Variants in DGCR2 observed in about 807,000 individuals in gnomAD.
DGCR2 encodes DiGeorge syndrome critical region gene 2.
In DGCR2, 24 loss-of-function variants were observed where a neutral mutation model predicts 51.6. The ratio of observed to expected loss-of-function variants is 0.47; its 90% CI spans 0.34 to 0.65. The LOEUF (loss-of-function observed/expected upper bound fraction) is 0.65. Among genes scored for constraint, DGCR2 ranks in the 30% least tolerant of loss-of-function variants. The pLI is 0.01. For missense variants in DGCR2, 765 were observed against 772.1 expected (o/e 0.99, Z 0.11); for synonymous variants, 340 against 315.4 (o/e 1.08, Z -0.82).
chr22:19,114,672 C>T (rs751966348), intron 1 of DGCR2, among the ~76,000 whole-genome samples: 1 of 152,206 alleles, frequency 6.6e-6, no homozygotes, highest in South Asian at 2.1e-4. Context: ...TCCTGCTGAT[C>T]ATCCCTGTGT....
chr22:19,094,014 A>AT (rs913303225), intron 1 of DGCR2, among the ~76,000 whole-genome samples: 1 of 147,192 alleles, frequency 6.8e-6, no homozygotes, highest in African/African-American at 2.4e-5. Context: ...CTCTAAAAAA[A>AT]AATAATAAAT....
In DGCR2 at chr22:19,067,993, G is replaced by A. The variant is rs78128835; in HGVS notation, c.328+107C>T. ...ATTCATTCCCCTCACTGGCCTCCAA[G>A]GGCTGCTTTGAGAAACCCCTCACGC... is the stretch of plus-strand genomic sequence containing the variant. On this transcript the variant is annotated intron_variant, in intron 3 of 9. Transcript: ENST00000263196. The A allele has an allele frequency of 9.4e-3, 13,173 of 1,397,360 alleles. 473 individuals are homozygous for A. The highest frequency in any genetic ancestry group is 0.074 in the East Asian group (2,818 of 38,064). 86.6% of individuals were successfully genotyped at this position (1,397,360 alleles called of 1,614,324 possible).
At chr22:19,084,546 AG>A (rs2082986073) in intron 2 of DGCR2, among the ~76,000 whole-genome samples, 1 of 131,862 alleles carries the variant, frequency 7.6e-6, no homozygotes, top group African/African-American at 3.1e-5. Context: ...CTGAGAAGTG[AG>A]GAGCCCCTCC....
chr22:19,063,191 G>A lies in DGCR2; in HGVS notation c.625+11C>T. The A allele has an allele frequency of 3.7e-6, 6 of 1,613,770 alleles. No individual in the cohort carries two copies. Among genetic ancestry groups the A allele is most frequent in the Non-Finnish European group, 4.2e-6 (5 of 1,179,660 alleles). ...CAGCTTCAAACACTCCCACACACCA[G>A]AAGGGCTCACCTTTGAATGCCACCT... is the stretch of plus-strand genomic sequence containing the variant. On this transcript the variant is annotated intron_variant, in intron 5 of 9. Coordinates refer to ENST00000263196, the MANE Select transcript of DGCR2 (RefSeq NM_005137.3).
intron 4 of DGCR2, among the ~76,000 whole-genome samples, chr22:19,063,953 C>T (rs761859830): frequency 1.3e-4 from 20 of 152,236 alleles, no homozygotes; most frequent in Non-Finnish European, 2.8e-4. Flanking sequence ...ATATCCACTA[C>T]CATGGGGGCT....
chr22:19,095,638 G>T (rs1356320652), intron 1 of DGCR2, among the ~76,000 whole-genome samples: 1 of 145,946 alleles, frequency 6.9e-6, no homozygotes, highest in African/African-American at 2.5e-5. Context: ...TCCAGCCTGG[G>T]CAACAGCGCA....
intron 2 of DGCR2, among the ~76,000 whole-genome samples, chr22:19,080,997 C>T (rs1469735498): frequency 1.3e-5 from 2 of 152,178 alleles, no homozygotes; most frequent in South Asian, 2.1e-4. Context: ...AGCCTTCAAG[C>T]GCTGAGCCTT....
Position 19,076,724 on chromosome 22 carries a change from A to ATTTTT in DGCR2, c.203-8504_203-8500dup, listed in dbSNP as rs1165827499. On this transcript the variant is annotated intron_variant, in intron 2 of 9. Transcript: ENST00000263196. ...AAATGTCTACTCAAGTCCTTTGCAC[A>ATTTTT]TTTTTTTTTTTTTTTTTTTTTTTTG... 3.7e-3 allele frequency among the ~76,000 whole-genome samples: 292 copies of ATTTTT among 79,944 alleles called. 13 individuals are homozygous for ATTTTT. The highest frequency in any genetic ancestry group is 6.7e-3 in the South Asian group (13 of 1,940). 52.4% of individuals were successfully genotyped at this position (79,944 alleles called of 152,430 possible).
At chr22:19,062,775 G>GCATTCTCATT (rs1555903875) in intron 5 of DGCR2, among the ~76,000 whole-genome samples, 1 of 108,860 alleles carries the variant, frequency 9.2e-6, no homozygotes, top group Non-Finnish European at 1.9e-5. Flanking sequence ...ACACATGCAT[G>GCATTCTCATT]CTCACTCTCT....
At chr22:19,074,741 T>C (rs73158822) in intron 2 of DGCR2, among the ~76,000 whole-genome samples, 26,850 of 152,158 alleles carry the variant, frequency 0.18, 2,528 homozygotes, top group South Asian at 0.28. Context: ...TGAATAAAGA[T>C]AAAACTAAAA....
At chr22:19,076,140 A>T in intron 2 of DGCR2, among the ~76,000 whole-genome samples, 1 of 64,774 alleles carries the variant, frequency 1.5e-5, no homozygotes, top group Non-Finnish European at 2.8e-5. Context: ...TTGTATTTTT[A>T]TTTTATTTAT....
chr22:19,063,404 G>A (rs553908675), intron 4 of DGCR2, 126 bp from the exon 5 acceptor site: 69 of 834,800 alleles, frequency 8.3e-5, no homozygotes, highest in Non-Finnish European at 1.2e-4. Context: ...GCAGTGGTGC[G>A]ATCTCGGCTC....
chr22:19,057,761 C>CCTGT lies in DGCR2; in HGVS notation c.626-600_626-599insACAG, dbSNP rs79889212. The stretch of plus-strand genomic sequence containing the variant: ...GAAACTGTCACCCACTCAGCTCCTG[C>CCTGT]CTAAGCCAGGCACAAGGCAGTCAGA... On this transcript the variant is annotated intron_variant, in intron 5 of 9. Coordinates refer to ENST00000263196, the MANE Select transcript of DGCR2 (RefSeq NM_005137.3). This position sits in a 1 kb window ranked among gnomAD's most constrained non-coding sequence, Gnocchi z 5.1. Among the ~76,000 whole-genome samples, 64,812 of 151,686 alleles carry CCTGT rather than the reference C, an allele frequency of 0.43. 14,144 individuals carry two copies. Among genetic ancestry groups the CCTGT allele is most frequent in the African/African-American group, 0.53 (21,922 of 41,354 alleles).
chr22:19,080,035 T>C (rs994089013), intron 2 of DGCR2, among the ~76,000 whole-genome samples: 2 of 152,202 alleles, frequency 1.3e-5, no homozygotes, highest in Non-Finnish European at 2.9e-5. Flanking sequence ...AAACCTTCCA[T>C]TATGTTGACA....
intron 5 of DGCR2, chr22:19,060,986 G>A (rs2082656694): frequency 8.8e-6 from 3 of 340,768 alleles, no homozygotes; most frequent in South Asian, 2.4e-5. Flanking sequence ...CAGAAAAGAT[G>A]GACAACATGT....
At position 19,063,256 on chromosome 22, in the gene DGCR2, C is replaced by G. The variant is rs2082707207; in HGVS notation, c.571G>C (p.Val191Leu). ...AAGGAGCGGTTCCGGCCAGTGATAACATACTGATAGCCAACCCACAACCTG... is the reference window on the plus strand; with the variant it reads ...AAGGAGCGGTTCCGGCCAGTGATAAGATACTGATAGCCAACCCACAACCTG... ...QRKLWVGYQY[V>L]ITGRNRSLEG... is the part of the protein sequence containing the mutation. The change falls in exon 5 of 10, where the codon GTT (valine) becomes CTT (leucine). Residue 191 changes from valine (V) to leucine (L), a missense_variant. Transcript: ENST00000263196. The G allele has an allele frequency of 6.2e-7, 1 of 1,614,080 alleles. No homozygotes were observed. Among genetic ancestry groups the G allele is most frequent in the Admixed American group, 1.7e-5 (1 of 60,002 alleles).
At chr22:19,071,124 G>T (rs139626849) in intron 2 of DGCR2, among the ~76,000 whole-genome samples, 76 of 152,352 alleles carry the variant, frequency 5.0e-4, no homozygotes, top group Non-Finnish European at 1.0e-3. Context: ...CAGCCCAGCT[G>T]GGGACCTGGT....
At chr22:19,062,775 G>GCTGTCTCTGTCT (rs2082686000) in intron 5 of DGCR2, among the ~76,000 whole-genome samples, 1 of 108,964 alleles carries the variant, frequency 9.2e-6, no homozygotes, top group Non-Finnish European at 1.9e-5. Context: ...ACACATGCAT[G>GCTGTCTCTGTCT]CTCACTCTCT....
At chr22:19,056,402 G>T in intron 6 of DGCR2, 1 of 456,390 alleles carries the variant, frequency 2.2e-6, no homozygotes, top group Non-Finnish European at 4.0e-6. Flanking sequence ...CAAGAACAAA[G>T]CCTCTCCCCA....
Sources: allele counts gnomAD v4.1 joint callset (sites outside exome capture counted in the v4.1 genomes callset), GRCh38; gene constraint gnomAD v4.1.1; non-coding constraint Gnocchi (gnomAD v3.1); transcripts MANE v1.5; gene names NCBI Gene and HGNC (gene_info 2026-07-23, HGNC 2026-07-21).